Variants in ZBTB8OS observed in about 807,000 individuals in gnomAD.
The protein encoded by ZBTB8OS is tRNA-splicing ligase-activating factor archease.
A neutral mutation model predicts 29.3 loss-of-function variants in ZBTB8OS; 16 were observed. The ratio of observed to expected loss-of-function variants is 0.55; its 90% CI spans 0.37 to 0.83. The LOEUF (loss-of-function observed/expected upper bound fraction) is 0.83. Among genes scored for constraint, ZBTB8OS ranks in the 40% least tolerant of loss-of-function variants. The probability of loss-of-function intolerance (pLI) is 0.00; values close to 1 mark genes in which losing one functional copy is unlikely to be tolerated. For missense variants in ZBTB8OS, 160 were observed against 196.9 expected, an observed-to-expected ratio of 0.81 and a Z score of 1.12; for synonymous variants, 70 against 64.6, an observed-to-expected ratio of 1.08 and a Z score of -0.40.
intron 1 of ZBTB8OS, among the ~76,000 whole-genome samples, chr1:32,639,155 C>G (rs375821553): frequency 1.3e-5 from 2 of 151,364 alleles, no homozygotes. Context: ...AAAATTAGCC[C>G]GGTGTGGTAG....
intron 1 of ZBTB8OS, among the ~76,000 whole-genome samples, 188 bp from the exon 2 acceptor site, chr1:32,634,980 C>CTT (rs34395011): frequency 6.2e-5 from 9 of 145,226 alleles, no homozygotes; most frequent in African/African-American, 1.8e-4. Context: ...TTGTTGGAAT[C>CTT]TTTTTTTTTT....
At chr1:32,634,663 G>A (rs1365960864) in intron 2 of ZBTB8OS, 105 bp downstream of exon 2, 1 of 1,433,876 alleles carries the variant, frequency 7.0e-7, no homozygotes, top group Non-Finnish European at 9.8e-7. Context: ...TATTGTGAAG[G>A]AACCAAAATG....
At chr1:32,643,698 T>C (rs553266118) in intron 1 of ZBTB8OS, among the ~76,000 whole-genome samples, 3 of 152,158 alleles carry the variant, frequency 2.0e-5, no homozygotes, top group Non-Finnish European at 2.9e-5. Flanking sequence ...GGTTTCACTA[T>C]GTTGGCCAGG....
intron 4 of ZBTB8OS, 27 bp from the exon 5 acceptor site, chr1:32,631,906 T>TA (rs761066592): frequency 2.9e-6 from 4 of 1,365,782 alleles, no homozygotes; most frequent in South Asian, 1.4e-5. Context: ...ATTTTTTAAT[T>TA]AAAAAAAGTT....
rs1647342987 is a variant in ZBTB8OS, at chr1:32,650,496, T to C, written c.34A>G (p.Asn12Asp). ...AQEEEDVRDY[N>D]LTEEQKAIKA... The stretch of plus-strand genomic sequence containing the variant: ...ATCGCCTTCTGTTCTTCAGTCAAAT[T>C]GTAATCTCTAACATCTTCCTCTTCC... The change falls in exon 1 of 7, where the codon AAT (asparagine) becomes GAT (aspartate). Residue 12 changes from asparagine to aspartate, a missense_variant. Coordinates refer to ENST00000468695, the MANE Select transcript of ZBTB8OS (RefSeq NM_178547.5). 1 of 1,614,186 alleles carries C rather than the reference T, an allele frequency of 6.2e-7. No homozygotes were observed. Among genetic ancestry groups the C allele is most frequent in the Non-Finnish European group, 8.5e-7 (1 of 1,180,018 alleles).
At chr1:32,649,891 C>G (rs141873374) in intron 1 of ZBTB8OS, among the ~76,000 whole-genome samples, 5 of 151,928 alleles carry the variant, frequency 3.3e-5, no homozygotes, top group African/African-American at 1.2e-4. Context: ...CTCGAACTTC[C>G]GACCTCAGGT....
chr1:32,638,650 C>T (rs772069309), intron 1 of ZBTB8OS, among the ~76,000 whole-genome samples: 30 of 152,070 alleles, frequency 2.0e-4, no homozygotes, highest in Non-Finnish European at 3.2e-4. Flanking sequence ...TGGTGGCTCA[C>T]AACTGTAATC....
At chr1:32,638,168 T>C (rs1316765577) in intron 1 of ZBTB8OS, among the ~76,000 whole-genome samples, 1 of 151,688 alleles carries the variant, frequency 6.6e-6, no homozygotes, top group Non-Finnish European at 1.5e-5. Context: ...AAAAATCAAT[T>C]TAAAAGACAG....
chr1:32,641,265 GTTTT>G (rs1160526101), intron 1 of ZBTB8OS, among the ~76,000 whole-genome samples: 3 of 97,266 alleles, frequency 3.1e-5, no homozygotes, highest in Non-Finnish European at 6.0e-5. Context: ...AATTACACAA[GTTTT>G]TTTTTTTTTT....
chr1:32,628,048 G>A (rs926274282), intron 5 of ZBTB8OS, among the ~76,000 whole-genome samples: 12 of 150,514 alleles, frequency 8.0e-5, no homozygotes, highest in Admixed American at 3.3e-4. Context: ...TGTTTCAAAA[G>A]AATTTTTAAT....
At chr1:32,634,594 C>T (rs1645814096) in intron 2 of ZBTB8OS, 174 bp downstream of exon 2, 2 of 727,372 alleles carry the variant, frequency 2.7e-6, no homozygotes, top group Non-Finnish European at 4.7e-6. Context: ...GTGGTGCAAT[C>T]TCGGCTCACT....
At chr1:32,647,086 T>C (rs1410799760) in intron 1 of ZBTB8OS, among the ~76,000 whole-genome samples, 3 of 121,810 alleles carry the variant, frequency 2.5e-5, no homozygotes, top group Non-Finnish European at 5.0e-5. Context: ...CCAGGCGTGG[T>C]GGCTTACGCC....
rs78995636 is a variant in ZBTB8OS at position 32,623,207 on chromosome 1, T to C, written c.418-1259A>G. ...GATATAAGTGGCACTGCCACTGCTT[T>C]TTCTCCTCTGCCACAATCACCTGGC... On this transcript the variant is annotated intron_variant, in intron 6 of 6. Transcript: ENST00000468695. Among the ~76,000 whole-genome samples, 894 of 152,274 alleles carry C rather than the reference T, an allele frequency of 5.9e-3. 13 individuals carry two copies. Among genetic ancestry groups the C allele is most frequent in the African/African-American group, 0.02 (840 of 41,544 alleles).
In ZBTB8OS at chr1:32,641,636, G is replaced by A. The variant is rs916365712; in HGVS notation, c.98-6844C>T. Among the ~76,000 whole-genome samples, 4 of 148,754 alleles carry A rather than the reference G, an allele frequency of 2.7e-5. No homozygotes were observed. In the East Asian group the frequency reaches 6.2e-4, roughly 23 times the overall value. On this transcript the variant is annotated intron_variant, in intron 1 of 6. Transcript: ENST00000468695. ...GCCACAAAAGTACTTTATACAGGCC[G>A]GGCACGGTGGCTCACACCTGTAATC...
At chr1:32,646,141 G>A (rs1646810220) in intron 1 of ZBTB8OS, among the ~76,000 whole-genome samples, 2 of 151,958 alleles carry the variant, frequency 1.3e-5, no homozygotes, top group Admixed American at 6.6e-5. Context: ...CCAACATGGT[G>A]AAACTCCATC....
chr1:32,622,007 A>C, intron 6 of ZBTB8OS, 59 bp from the exon 7 acceptor site: 1 of 1,216,110 alleles, frequency 8.2e-7, no homozygotes, highest in South Asian at 1.4e-5. Context: ...TGAAATCATA[A>C]TCATTAACTC....
At chr1:32,634,219 C>CT (rs1220528444) in intron 2 of ZBTB8OS, 147 bp from the exon 3 acceptor site, 1 of 564,814 alleles carries the variant, frequency 1.8e-6, no homozygotes, top group Non-Finnish European at 2.8e-6. Context: ...AGGTGCTTTT[C>CT]TTTTTATTAT....
At chr1:32,633,781 G>C in intron 3 of ZBTB8OS, 54 bp from the exon 4 acceptor site, 1 of 1,488,916 alleles carries the variant, frequency 6.7e-7, no homozygotes. Context: ...AAACATACTT[G>C]AATTTAAAAG....
chr1:32,630,965 A>C (rs1645505399), intron 5 of ZBTB8OS, among the ~76,000 whole-genome samples: 1 of 152,034 alleles, frequency 6.6e-6, no homozygotes, highest in African/African-American at 2.4e-5. Context: ...GTGAGCTGAG[A>C]TCACACACTC....
Sources: allele counts gnomAD v4.1 joint callset (sites outside exome capture counted in the v4.1 genomes callset), GRCh38; gene constraint gnomAD v4.1.1; transcripts MANE v1.5; gene names NCBI Gene and HGNC (gene_info 2026-07-23, HGNC 2026-07-21).